Variants in F11 observed in about 807,000 individuals in gnomAD.
F11 encodes the protein coagualtion factor XI.
In F11, 78 loss-of-function variants were observed where a neutral mutation model predicts 76.5. The ratio of observed to expected loss-of-function variants is 1.02; its 90% confidence interval spans 0.85 to 1.23. The LOEUF is 1.23. Ranked by LOEUF, F11 falls within the 50% of genes most tolerant of loss-of-function variation. The pLI is 0.00. For synonymous variants in F11, 278 were observed against 276.3 expected, an observed-to-expected ratio of 1.01 and a Z score of -0.06; for missense variants, 742 against 771.4, an observed-to-expected ratio of 0.96 and a Z score of 0.45.
Position 186,276,371 on chromosome 4 carries a change from T to A in F11, c.736T>A (p.Trp246Arg). 1.2e-6 allele frequency: 2 copies of A among 1,614,126 alleles called. No homozygotes were observed. The highest frequency in any genetic ancestry group is 1.7e-6 in the Non-Finnish European group (2 of 1,180,010). Residue 246 changes from tryptophan to arginine, a missense_variant, in exon 7 of 15, where the codon TGG (tryptophan) becomes AGG (arginine). By Grantham distance (101) the Trp-to-Arg change is moderately radical. Transcript: ENST00000403665. ...CLFFTFFSQE[W>R]PKESQRNLCL... Reference sequence around the variant, plus strand: ...GTTTTTTACCTTCTTTTCCCAGGAATGGCCCAAAGAATCTCAAAGGTAAGG... The same window carrying A: ...GTTTTTTACCTTCTTTTCCCAGGAAAGGCCCAAAGAATCTCAAAGGTAAGG...
intron 7 of F11, among the ~76,000 whole-genome samples, chr4:186,278,364 T>C (rs1324011518): frequency 1.3e-5 from 2 of 152,146 alleles, no homozygotes; most frequent in Non-Finnish European, 2.9e-5. Flanking sequence ...CACATGAAAA[T>C]ATATCTGTTA....
intron 9 of F11, 30 bp from the exon 10 acceptor site, chr4:186,280,444 A>G (rs1325147818): frequency 3.7e-6 from 6 of 1,614,108 alleles, no homozygotes; most frequent in Non-Finnish European, 1.7e-6. Context: ...GAGGTGCATT[A>G]TGTTTATACC....
At position 186,273,140 on chromosome 4, in the gene F11, T is replaced by A; in HGVS notation, c.288T>A (p.Ser96=). ...GAGTGAATAGGACAGCAGCGATTTC[T>A]GGGTATTCTTTCAAGCAATGCTCAC... ...LPRVNRTAAI[S]GYSFKQCSHQ... Residue 96 remains serine (S), a synonymous_variant, in exon 4 of 15, where the codon TCT becomes TCA. Coordinates refer to ENST00000403665, the MANE Select transcript of F11 (RefSeq NM_000128.4). 6.2e-7 allele frequency: 1 copy of A among 1,614,056 alleles called. No individual in the cohort carries two copies. The highest frequency in any genetic ancestry group is 1.1e-5 in the South Asian group (1 of 91,078).
intron 10 of F11, chr4:186,282,906 G>GA (rs1408497139): frequency 3.8e-5 from 37 of 984,726 alleles, no homozygotes; most frequent in Non-Finnish European, 4.2e-5. Context: ...TCCTACCAAG[G>GA]AAAAAAAGGC....
chr4:186,282,332 G>A (rs1307284932), intron 10 of F11: 24 of 985,370 alleles, frequency 2.4e-5, no homozygotes, highest in Middle Eastern at 5.2e-4. Context: ...AAAGTCTTAC[G>A]TCTTTTCAGT....
rs1029000246 is a variant in F11, at chr4:186,271,860, T to C, written c.218+89T>C. The C allele has an allele frequency of 3.5e-6, 5 of 1,411,618 alleles. No individual in the cohort carries two copies. The Admixed American group carries it at 6.8e-5, about 19-fold the overall frequency. The allele number at this position is 1,411,618 out of a possible 1,614,324, so 87.4% of individuals were successfully genotyped here. On this transcript the variant is annotated intron_variant, in intron 3 of 14. Coordinates refer to ENST00000403665, the MANE Select transcript of F11 (RefSeq NM_000128.4). Reference sequence around the variant, plus strand: ...CATTTCCATCTAACATTTTATAAAATTTAACATTAACAACTGGAAGATAAA... The same window carrying C: ...CATTTCCATCTAACATTTTATAAAACTTAACATTAACAACTGGAAGATAAA...
At chr4:186,281,926 C>T in intron 10 of F11, 1 of 1,274,240 alleles carries the variant, frequency 7.8e-7, no homozygotes, top group Non-Finnish European at 1.0e-6. Flanking sequence ...ACAGACTATG[C>T]CTTCCTAGAG....
rs1034219517 is a variant in F11, at chr4:186,288,331, C to T, written c.1717-122C>T. The T allele has an allele frequency of 5.0e-6, 6 of 1,194,132 alleles. No individual in the cohort carries two copies. In the African/African-American group the frequency reaches 9.0e-5, roughly 18 times the overall value. The allele number at this position is 1,194,132 out of a possible 1,614,324, so 74.0% of individuals were successfully genotyped here. A position where few individuals can be genotyped will look rare whatever the true frequency, so the allele number is the denominator to read the frequency against. ...CTGGATGAACGCAAGCACCCAGGTT[C>T]TCTGCAGTATATTAAGGGGCCAAGA... On this transcript the variant is annotated intron_variant, in intron 14 of 14. Coordinates refer to ENST00000403665, the MANE Select transcript of F11 (RefSeq NM_000128.4).
intron 2 of F11, among the ~76,000 whole-genome samples, chr4:186,268,586 C>T (rs4253822): frequency 7.4e-5 from 11 of 147,656 alleles, no homozygotes; most frequent in African/African-American, 2.5e-4. Context: ...AATCTGCAAA[C>T]GTTTGAAAAT....
intron 10 of F11, chr4:186,282,083 C>A (rs934422986): frequency 8.3e-7 from 1 of 1,207,346 alleles, no homozygotes; most frequent in Non-Finnish European, 1.1e-6. Context: ...TGTTGTCTTT[C>A]TTCTACTTCT....
intron 7 of F11, among the ~76,000 whole-genome samples, chr4:186,278,734 A>G (rs4253419): frequency 0.15 from 22,669 of 152,180 alleles, 1,761 homozygotes; most frequent in Middle Eastern, 0.19. Context: ...TTGAATTGGC[A>G]ACTGGAAATA....
intron 10 of F11, among the ~76,000 whole-genome samples, chr4:186,281,103 C>T (rs567781713): frequency 3.9e-5 from 6 of 152,238 alleles, no homozygotes; most frequent in Non-Finnish European, 7.4e-5. Flanking sequence ...GCAATCCTCC[C>T]GCTTTGGCCT....
Position 186,275,809 on chromosome 4 carries a change from A to G in F11, c.508A>G (p.Thr170Ala). 6.2e-7 allele frequency: 1 copy of G among 1,613,370 alleles called. No homozygotes were observed. The highest frequency in any genetic ancestry group is 8.5e-7 in the Non-Finnish European group (1 of 1,179,562). ...CAGTAACATTTGTCTACTGAAGCACACCCAAACAGGGACACCAACCAGAAT... is the reference window on the plus strand; with the variant it reads ...CAGTAACATTTGTCTACTGAAGCACGCCCAAACAGGGACACCAACCAGAAT... ...EHRNICLLKH[T>A]QTGTPTRITK... is the part of the protein sequence containing the mutation. The change falls in exon 6 of 15, where the codon ACC becomes GCC. Residue 170 changes from threonine (T) to alanine (A), a missense_variant. Physicochemically the swap from Thr to Ala is moderately conservative, Grantham distance 58 (BLOSUM62 0). Transcript: ENST00000403665.
Position 186,288,719 on chromosome 4 carries a change from A to T in F11, c.*105A>T. 1 of 1,272,306 alleles carries T rather than the reference A, an allele frequency of 7.9e-7. No individual in the cohort carries two copies. The allele number at this position is 1,272,306 out of a possible 1,614,324, so 78.8% of individuals were successfully genotyped here. A position where few individuals can be genotyped will look rare whatever the true frequency, so the allele number is the denominator to read the frequency against. On this transcript the variant is annotated 3_prime_UTR_variant, in exon 15 of 15. Coordinates refer to ENST00000403665, the MANE Select transcript of F11 (RefSeq NM_000128.4). ...TGCTTCCTCCACAGTAACACGCTGA[A>T]GGGGCTTGGTGTTTGTAAGAAAATG...
chr4:186,280,808 CTTTAA>C (rs926703499), intron 10 of F11, among the ~76,000 whole-genome samples: 1 of 150,702 alleles, frequency 6.6e-6, no homozygotes, highest in African/African-American at 2.4e-5. Context: ...TAAATATATG[CTTTAA>C]TTTGACACAT....
intron 2 of F11, among the ~76,000 whole-genome samples, chr4:186,271,362 T>C (rs1261652492): frequency 1.3e-5 from 2 of 152,232 alleles, no homozygotes; most frequent in African/African-American, 4.8e-5. Context: ...AAAGCACTCC[T>C]TGTCTCCAAG....
rs376961859 is a variant in F11, at chr4:186,274,268, G to T, written c.478G>T (p.Glu160Ter). 8 of 1,614,190 alleles carry T rather than the reference G, an allele frequency of 5.0e-6. No homozygotes were observed. Among genetic ancestry groups the T allele is most frequent in the Non-Finnish European group, 6.8e-6 (8 of 1,180,032 alleles). Residue 160 changes from glutamate (E) to a stop codon, truncating the protein, a stop_gained, in exon 5 of 15, where the codon GAG becomes TAG. Coordinates refer to ENST00000403665, the MANE Select transcript of F11 (RefSeq NM_000128.4). LOFTEE classifies it high-confidence loss of function. ...CGCCACAAGGCAGTTTCCCAGCCTG[G>T]AGCATCGGTGAGTGAGTCCCAGGAC... ...TYATRQFPSL[E>*]HRNICLLKHT...
Position 186,274,224 on chromosome 4 carries a change from A to G in F11, c.434A>G (p.His145Arg), listed in dbSNP as rs199657604. Residue 145 changes from histidine to arginine, a missense_variant, in exon 5 of 15, where the codon CAC (histidine) becomes CGC (arginine). Coordinates refer to ENST00000403665, the MANE Select transcript of F11 (RefSeq NM_000128.4). ...CAAGAAAGATGCACGGATGACGTCC[A>G]CTGCCACTTTTTCACGTACGCCACA... ...ECQERCTDDVHCHFFTYATRQ... is the reference protein window; with the variant it reads ...ECQERCTDDVRCHFFTYATRQ... The G allele has an allele frequency of 4.5e-5, 73 of 1,614,246 alleles. No individual in the cohort carries two copies. The East Asian group carries it at 1.0e-3, about 23-fold the overall frequency.
At position 186,287,756 on chromosome 4, in the gene F11, G is replaced by C; in HGVS notation, c.1649G>C (p.Arg550Thr). The C allele has an allele frequency of 6.2e-7, 1 of 1,613,754 alleles. No individual in the cohort carries two copies. Among genetic ancestry groups the C allele is most frequent in the Non-Finnish European group, 8.5e-7 (1 of 1,179,828 alleles). Reference protein sequence around the residue: ...VTNEECQKRYRGHKITHKMIC... With the variant: ...VTNEECQKRYTGHKITHKMIC... ...AACGAAGAGTGCCAGAAGAGATACA[G>C]AGGACATAAAATAACCCATAAGATG... The change falls in exon 14 of 15, where the codon AGA becomes ACA. Residue 550 changes from arginine to threonine, a missense_variant. By Grantham distance (71) the Arg-to-Thr change is moderately conservative (BLOSUM62 -1). Coordinates refer to ENST00000403665, the MANE Select transcript of F11 (RefSeq NM_000128.4).
Sources: allele counts gnomAD v4.1 joint callset (sites outside exome capture counted in the v4.1 genomes callset), GRCh38; gene constraint gnomAD v4.1.1; transcripts MANE v1.5; gene names NCBI Gene and HGNC (gene_info 2026-07-23, HGNC 2026-07-21).